The following GSDMC variants were observed in gnomAD, a reference collection of about 807,000 sequenced individuals.
GSDMC encodes the protein gasdermin C.
Under a neutral mutation model 58.0 loss-of-function variants are expected in GSDMC, and 59 were observed. The observed-to-expected ratio is 1.02, with a 90% CI of 0.82 to 1.26. GSDMC has a LOEUF of 1.26. Among genes scored for constraint, GSDMC ranks in the 50% most tolerant of loss-of-function variants. GSDMC has a pLI of 0.00. For synonymous variants in GSDMC, 241 were observed against 220.2 expected (o/e 1.09, Z -0.83); for missense variants, 659 against 598.5 (o/e 1.10, Z -1.06).
At chr8:129,747,985 G>A (rs1351285642), downstream of GSDMC, among the ~76,000 whole-genome samples, 6 of 151,936 alleles carry the variant, frequency 3.9e-5, 1 homozygote, top group Admixed American at 3.3e-4. Context: ...CATTTAATGT[G>A]AAACAATTTC....
chr8:129,721,669 A>C, the GSDMC span, among the ~76,000 whole-genome samples: 1 of 152,178 alleles, frequency 6.6e-6, no homozygotes, highest in African/African-American at 2.4e-5. Flanking sequence ...GGTCCTCATT[A>C]CTACCAAATA....
the GSDMC span, chr8:129,730,354 AAGG>A: frequency 1.5e-6 from 2 of 1,308,944 alleles, no homozygotes; most frequent in Admixed American, 2.1e-5. Flanking sequence ...ACTGTTATGC[AAGG>A]AGATTATCTA....
chr8:129,784,718 T>C (rs779055585), intron 1 of GSDMC, among the ~76,000 whole-genome samples: 30 of 152,168 alleles, frequency 2.0e-4, no homozygotes, highest in Non-Finnish European at 3.2e-4. Context: ...AGAGCTGCCA[T>C]ACAACCCAGC....
At chr8:129,730,032 A>C in the GSDMC span, 3 of 1,280,426 alleles carry the variant, frequency 2.3e-6, no homozygotes. Flanking sequence ...AAGGATGAGA[A>C]GGAAAAGGAG....
chr8:129,757,416 C>T lies in GSDMC; in HGVS notation c.721+3129G>A, dbSNP rs181946237. ...AGATAGAAGCTGTAATAAAAAGTCTCCCAGTAAAGAAAAGCCCAGGACCTG... is the reference window on the plus strand; with the variant it reads ...AGATAGAAGCTGTAATAAAAAGTCTTCCAGTAAAGAAAAGCCCAGGACCTG... On this transcript the variant is annotated intron_variant, in intron 6 of 13. Transcript: ENST00000276708. Among the ~76,000 whole-genome samples, 110 of 151,974 alleles carry T rather than the reference C, an allele frequency of 7.2e-4. 1 individual carries two copies. The highest frequency in any genetic ancestry group is 2.6e-3 in the African/African-American group (109 of 41,478).
At chr8:129,711,339 C>G in the GSDMC span, among the ~76,000 whole-genome samples, 1 of 152,182 alleles carries the variant, frequency 6.6e-6, no homozygotes, top group Admixed American at 6.5e-5. Context: ...TATTCTCTTT[C>G]TTTTACAGAT....
chr8:129,738,794 T>G, the GSDMC span, among the ~76,000 whole-genome samples: 10 of 152,012 alleles, frequency 6.6e-5, no homozygotes, highest in African/African-American at 1.7e-4. Context: ...CCCTAGAACT[T>G]AAAGTATAGT....
At chr8:129,722,696 G>A in the GSDMC span, among the ~76,000 whole-genome samples, 4 of 152,206 alleles carry the variant, frequency 2.6e-5, no homozygotes, top group Non-Finnish European at 5.9e-5. Context: ...AATATTTATT[G>A]AATAAATGAA....
At chr8:129,721,639 T>C in the GSDMC span, among the ~76,000 whole-genome samples, 1 of 152,182 alleles carries the variant, frequency 6.6e-6, no homozygotes, top group South Asian at 2.1e-4. Context: ...AAAATTAGAC[T>C]TCAGACAGGG....
chr8:129,761,741 T>C (rs2033669978), intron 5 of GSDMC, among the ~76,000 whole-genome samples: 1 of 152,144 alleles, frequency 6.6e-6, no homozygotes, highest in South Asian at 2.1e-4. Context: ...TCTCACCCCT[T>C]CTCCTCATTA....
the GSDMC span, among the ~76,000 whole-genome samples, chr8:129,726,136 G>C: frequency 6.6e-6 from 1 of 152,202 alleles, no homozygotes; most frequent in Non-Finnish European, 1.5e-5. Flanking sequence ...ATAAGCAGTT[G>C]ACATTTTACC....
chr8:129,709,492 TAGATGATAGATAGAC>T, the GSDMC span, among the ~76,000 whole-genome samples: 13 of 117,676 alleles, frequency 1.1e-4, no homozygotes, highest in East Asian at 8.2e-4. Flanking sequence ...AGATAATAGA[TAGATGATAGATAGAC>T]AGATGATAGA....
At chr8:129,710,544 T>C in the GSDMC span, among the ~76,000 whole-genome samples, 3 of 152,258 alleles carry the variant, frequency 2.0e-5, no homozygotes, top group Non-Finnish European at 2.9e-5. Flanking sequence ...CCTGATTCGA[T>C]TGGGTGTGGA....
chr8:129,730,226 C>T, the GSDMC span: 9 of 1,277,886 alleles, frequency 7.0e-6, no homozygotes, highest in Non-Finnish European at 9.6e-6. Flanking sequence ...ATAAAAGACA[C>T]GATGCTAGAA....
chr8:129,710,469 A>G, the GSDMC span, among the ~76,000 whole-genome samples: 1 of 152,312 alleles, frequency 6.6e-6, no homozygotes, highest in Non-Finnish European at 1.5e-5. Context: ...GGATCATAAA[A>G]GAAGGGGAAT....
chr8:129,717,918 AG>A, the GSDMC span, among the ~76,000 whole-genome samples: 1 of 152,142 alleles, frequency 6.6e-6, no homozygotes, highest in Non-Finnish European at 1.5e-5. Flanking sequence ...AACAAGCAAT[AG>A]GGAAAGAATC....
At chr8:129,711,617 C>CA in the GSDMC span, among the ~76,000 whole-genome samples, 1 of 152,316 alleles carries the variant, frequency 6.6e-6, no homozygotes, top group South Asian at 2.1e-4. Context: ...CCAGGGGTTT[C>CA]AAGGCTGATG....
chr8:129,706,206 A>G, the GSDMC span, among the ~76,000 whole-genome samples: 1 of 152,174 alleles, frequency 6.6e-6, no homozygotes, highest in East Asian at 1.9e-4. Context: ...TCAGACCAAT[A>G]CAAATTTTCT....
intron 12 of GSDMC, 116 bp from the exon 13 acceptor site, chr8:129,749,641 T>G: frequency 1.3e-6 from 1 of 792,910 alleles, no homozygotes; most frequent in Non-Finnish European, 2.2e-6. Context: ...ATAAAACCCA[T>G]TAGACTTGAA....
Sources: allele counts gnomAD v4.1 joint callset (sites outside exome capture counted in the v4.1 genomes callset), GRCh38; gene constraint gnomAD v4.1.1; transcripts MANE v1.5; gene names NCBI Gene and HGNC (gene_info 2026-07-23, HGNC 2026-07-21).